RBFOX2: variants seen among roughly 807,000 people sequenced by gnomAD.
RBFOX2 encodes RNA binding fox-1 homolog 2.
A neutral mutation model predicts 49.1 loss-of-function variants in RBFOX2; 10 were observed. That is an observed-to-expected ratio of 0.20 (90% confidence interval 0.13 to 0.35). The LOEUF (loss-of-function observed/expected upper bound fraction) is 0.35, where lower values mean the gene tolerates loss of function less well. RBFOX2 is among the 10% of genes least tolerant of loss of function. The probability of loss-of-function intolerance (pLI) is 1.00; values close to 1 mark genes in which losing one functional copy is unlikely to be tolerated. For missense variants in RBFOX2, 323 were observed against 486.9 expected, an observed-to-expected ratio of 0.66 and a Z score of 3.17; for synonymous variants, 183 against 187.4, an observed-to-expected ratio of 0.98 and a Z score of 0.19.
intron 1 of RBFOX2, among the ~76,000 whole-genome samples, chr22:35,814,681 A>C (rs1952609405): frequency 7.0e-6 from 1 of 142,742 alleles, no homozygotes; most frequent in East Asian, 2.1e-4. Context: ...ACTGCATTCC[A>C]GCCTGGGCGA....
At chr22:35,972,353 GA>G (rs2056923465) in intron 1 of RBFOX2, among the ~76,000 whole-genome samples, 1 of 151,244 alleles carries the variant, frequency 6.6e-6, no homozygotes, top group Non-Finnish European at 1.5e-5. Context: ...CATTCAAAAG[GA>G]AAAATATGTT....
chr22:36,006,100 T>C (rs2058607323), intron 1 of RBFOX2, among the ~76,000 whole-genome samples: 2 of 152,206 alleles, frequency 1.3e-5, no homozygotes, highest in Non-Finnish European at 2.9e-5. Context: ...ATATAGGGTA[T>C]GTGAATAAAA....
upstream of RBFOX2, among the ~76,000 whole-genome samples, chr22:35,844,978 A>C (rs1180001609): frequency 1.3e-5 from 2 of 152,110 alleles, no homozygotes; most frequent in African/African-American, 4.8e-5. Context: ...TGTCATACAG[A>C]AGTAACTCAG....
rs1435144609 is a variant in RBFOX2, at chr22:35,899,115, T to C, written c.-34+39732A>G. On this transcript the variant is annotated intron_variant, in intron 1 of 13. Coordinates refer to the RBFOX2 transcript ENST00000359369. ...CCTGAGCAACAAGAGCAAAATTCTGTCTCAAAAATAACATAACATAACATA... is the reference window on the plus strand; with the variant it reads ...CCTGAGCAACAAGAGCAAAATTCTGCCTCAAAAATAACATAACATAACATA... 4.1e-5 allele frequency among the ~76,000 whole-genome samples: 4 copies of C among 96,802 alleles called. No individual in the cohort carries two copies. In the South Asian group the frequency reaches 1.4e-3, roughly 33 times the overall value. 63.5% of individuals were successfully genotyped at this position (96,802 alleles called of 152,430 possible).
chr22:35,928,911 A>G (rs537421223), intron 1 of RBFOX2, among the ~76,000 whole-genome samples: 4 of 152,176 alleles, frequency 2.6e-5, no homozygotes, highest in Admixed American at 2.0e-4. Flanking sequence ...CATTATAACA[A>G]AAAGTTAGAT....
rs764172472 is a variant in RBFOX2, at chr22:35,756,076, G to A, written c.887+3812C>T. 11 of 1,339,190 alleles carry A rather than the reference G, an allele frequency of 8.2e-6. No homozygotes were observed. In the East Asian group the frequency reaches 3.3e-4, roughly 40 times the overall value. The allele number at this position is 1,339,190 out of a possible 1,614,324, so 83.0% of individuals were successfully genotyped here. A position where few individuals can be genotyped will look rare whatever the true frequency, so the allele number is the denominator to read the frequency against. On this transcript the variant is annotated intron_variant, in intron 9 of 11. Coordinates refer to ENST00000405409, the Ensembl canonical transcript of RBFOX2. ...AAAGGCTGGCTTGTCAGGGGATGGG[G>A]TCGAGAAGGCCCCAGTGTGTGTACT...
At chr22:35,818,448 T>G (rs1050776139) in intron 1 of RBFOX2, among the ~76,000 whole-genome samples, 1 of 152,210 alleles carries the variant, frequency 6.6e-6, no homozygotes, top group Non-Finnish European at 1.5e-5. Flanking sequence ...TTTGTCATCA[T>G]GGACAATTAA....
intron 1 of RBFOX2, among the ~76,000 whole-genome samples, chr22:35,861,107 G>T (rs974412831): frequency 8.5e-5 from 13 of 152,122 alleles, no homozygotes; most frequent in African/African-American, 3.1e-4. Flanking sequence ...TCAACAAATG[G>T]TGCTGACACA....
At chr22:36,021,650 T>G (rs2059251631) in intron 1 of RBFOX2, among the ~76,000 whole-genome samples, 1 of 152,200 alleles carries the variant, frequency 6.6e-6, no homozygotes, top group South Asian at 2.1e-4. Flanking sequence ...CCTAAGACAA[T>G]GTTTGAAAAA....
intron 1 of RBFOX2, among the ~76,000 whole-genome samples, chr22:35,819,473 A>C (rs920129573): frequency 6.6e-6 from 1 of 152,198 alleles, no homozygotes; most frequent in Non-Finnish European, 1.5e-5. Context: ...CTCTCCAAGC[A>C]CCTGCCAGAA....
intron 1 of RBFOX2, among the ~76,000 whole-genome samples, chr22:35,976,973 A>G (rs1178064772): frequency 5.9e-5 from 9 of 151,930 alleles, no homozygotes; most frequent in Non-Finnish European, 1.2e-4. Context: ...CAAAAAAAAA[A>G]AAAAAAGAAA....
chr22:35,791,120 C>T (rs1947521589), intron 2 of RBFOX2, among the ~76,000 whole-genome samples: 1 of 152,102 alleles, frequency 6.6e-6, no homozygotes, highest in African/African-American at 2.4e-5. Flanking sequence ...CGCAGTGGCT[C>T]ATGCCTGTAA....
intron 1 of RBFOX2, among the ~76,000 whole-genome samples, chr22:35,928,384 T>C (rs1006151595): frequency 1.3e-5 from 2 of 152,152 alleles, no homozygotes; most frequent in Non-Finnish European, 2.9e-5. Context: ...CCTTAGGACA[T>C]GCAGAAAGCA....
intron 1 of RBFOX2, among the ~76,000 whole-genome samples, chr22:35,977,717 A>T (rs2057241541): frequency 9.9e-6 from 1 of 100,742 alleles, no homozygotes; most frequent in African/African-American, 4.0e-5. Context: ...TTATACCTGA[A>T]TGAACTATAT....
intron 1 of RBFOX2, among the ~76,000 whole-genome samples, chr22:35,913,438 G>A (rs1030317602): frequency 3.3e-5 from 5 of 151,562 alleles, no homozygotes; most frequent in African/African-American, 4.8e-5. Flanking sequence ...AGCTCTTTAA[G>A]GGAGCGCCTA....
At chr22:35,760,867 G>A (rs902284802) in intron 8 of RBFOX2, among the ~76,000 whole-genome samples, 3 of 152,194 alleles carry the variant, frequency 2.0e-5, no homozygotes, top group Non-Finnish European at 4.4e-5. Flanking sequence ...TCCTCTGCTG[G>A]AGAACCTGTG....
chr22:35,782,531 T>C (rs954207105), intron 2 of RBFOX2, among the ~76,000 whole-genome samples: 15 of 152,274 alleles, frequency 9.9e-5, no homozygotes, highest in East Asian at 1.9e-4. Context: ...CCCTGTTAGC[T>C]AGGATGGTCT....
chr22:35,791,308 C>T (rs1038734833), intron 2 of RBFOX2, among the ~76,000 whole-genome samples: 2 of 151,184 alleles, frequency 1.3e-5, no homozygotes, highest in African/African-American at 2.4e-5. Flanking sequence ...TCACTTGAAC[C>T]CAGGAGATGG....
At chr22:35,840,657 T>TGTGTGTG, upstream of RBFOX2, 1 of 975,888 alleles carries the variant, frequency 1.0e-6, no homozygotes, top group African/African-American at 1.8e-5. Context: ...TGTGTGTGTG[T>TGTGTGTG]AGGGGGGAGG....
Sources: allele counts gnomAD v4.1 joint callset (sites outside exome capture counted in the v4.1 genomes callset), GRCh38; gene constraint gnomAD v4.1.1; transcripts MANE v1.5; gene names NCBI Gene and HGNC (gene_info 2026-07-23, HGNC 2026-07-21).